Variants in ILF2 observed in about 807,000 individuals in gnomAD.
ILF2 encodes the protein interleukin enhancer-binding factor 2.
ILF2 carries 9 observed loss-of-function variants against 55.3 expected under a neutral mutation model. The ratio of observed to expected loss-of-function variants is 0.16; its 90% CI spans 0.10 to 0.28. The LOEUF (loss-of-function observed/expected upper bound fraction) is 0.28. Among genes scored for constraint, ILF2 ranks in the 10% least tolerant of loss-of-function variants. The pLI is 1.00. For missense variants in ILF2, 266 were observed against 474.9 expected, an observed-to-expected ratio of 0.56 and a Z score of 4.09; for synonymous variants, 151 against 161.8, an observed-to-expected ratio of 0.93 and a Z score of 0.50.
chr1:153,670,748 C>T lies in ILF2; in HGVS notation c.5+170G>A, dbSNP rs1053741160. The stretch of plus-strand genomic sequence containing the variant: ...GAACCCCATCCCGGGCCCAAGTTTC[C>T]CCGCCTCTACCGGCCTCCATCTCTC... On this transcript the variant is annotated intron_variant, in intron 1 of 13. Transcript: ENST00000361891. Among the ~76,000 whole-genome samples, 5 of 152,136 alleles carry T rather than the reference C, an allele frequency of 3.3e-5. 1 individual carries two copies. Among genetic ancestry groups the T allele is most frequent in the Admixed American group, 2.6e-4 (4 of 15,282 alleles).
intron 4 of ILF2, 74 bp from the exon 5 acceptor site, chr1:153,668,151 C>T: frequency 8.7e-7 from 1 of 1,150,768 alleles, no homozygotes; most frequent in Non-Finnish European, 1.3e-6. Context: ...ATATTTTCTC[C>T]TAATCCCTTC....
chr1:153,670,894 T>C (rs777829604), intron 1 of ILF2, 24 bp downstream of exon 1: 9 of 1,614,114 alleles, frequency 5.6e-6, no homozygotes, highest in Non-Finnish European at 7.6e-6. Context: ...ACCTGAAACC[T>C]TTCGACCGCT....
intron 4 of ILF2, 35 bp downstream of exon 4, chr1:153,668,418 A>G (rs750145892): frequency 6.2e-7 from 1 of 1,613,196 alleles, no homozygotes; most frequent in Non-Finnish European, 8.5e-7. Context: ...TAACTGCTTT[A>G]GAGACATTTC....
At chr1:153,669,136 G>A (rs1669383637) in intron 3 of ILF2, among the ~76,000 whole-genome samples, 1 of 151,916 alleles carries the variant, frequency 6.6e-6, no homozygotes, top group South Asian at 2.1e-4. Flanking sequence ...TTGAACCCTG[G>A]AGGCAGAGGT....
In ILF2 at chr1:153,662,248, C is replaced by A. The variant is rs1571333095; in HGVS notation, c.*148G>T. 3 of 979,834 alleles carry A rather than the reference C, an allele frequency of 3.1e-6. No individual in the cohort carries two copies. Among genetic ancestry groups the A allele is most frequent in the Non-Finnish European group, 3.0e-6 (2 of 661,694 alleles). 60.7% of individuals were successfully genotyped at this position (979,834 alleles called of 1,614,324 possible). ...ACTGGCAGCTAAGCCAATATCAAAA[C>A]CCAGTGGAATGACACTTCTATGGAG... is the stretch of plus-strand genomic sequence containing the variant. On this transcript the variant is annotated 3_prime_UTR_variant, in exon 14 of 14. Coordinates refer to ENST00000361891, the MANE Select transcript of ILF2 (RefSeq NM_004515.4).
rs1237078736 is a variant in ILF2 at position 153,668,519 on chromosome 1, A to G, written c.147T>C (p.Asp49=). The part of the protein sequence containing the change: ...MAFPRVKPAP[D]ETSFSEALLK... ...GCAAGGCCTCACTGAAGGAAGTTTC[A>G]TCAGGTGCTGGCTTGACCCGGGGAA... Residue 49 remains aspartate (D), a synonymous_variant, in exon 4 of 14, where the codon GAT becomes GAC. Coordinates refer to ENST00000361891, the MANE Select transcript of ILF2 (RefSeq NM_004515.4). 1.2e-6 allele frequency: 2 copies of G among 1,614,176 alleles called. No homozygotes were observed. Among genetic ancestry groups the G allele is most frequent in the Admixed American group, 3.3e-5 (2 of 60,022 alleles).
intron 7 of ILF2, 100 bp downstream of exon 7, chr1:153,665,561 ACT>A: frequency 9.5e-7 from 1 of 1,053,528 alleles, no homozygotes; most frequent in Non-Finnish European, 1.5e-6. Context: ...CTCTGCATTT[ACT>A]CTTCCATCTG....
At chr1:153,665,030 A>T (rs183943256) in intron 8 of ILF2, among the ~76,000 whole-genome samples, 190 bp downstream of exon 8, 41 of 152,338 alleles carry the variant, frequency 2.7e-4, no homozygotes, top group Non-Finnish European at 5.1e-4. Context: ...CCATCTGAAA[A>T]TTCCACTAGC....
At position 153,670,931 on chromosome 1, in the gene ILF2, A is replaced by G. The variant is rs768198219; in HGVS notation, c.-9T>C. The stretch of plus-strand genomic sequence containing the variant: ...CGACCCACTTACCTCATGGCGCCTT[A>G]AAACACGAACAATGGAGGCCGCACC... On this transcript the variant is annotated 5_prime_UTR_variant, in exon 1 of 14. Transcript: ENST00000361891. 1.2e-6 allele frequency: 2 copies of G among 1,614,108 alleles called. No individual in the cohort carries two copies. The highest frequency in any genetic ancestry group is 1.7e-6 in the Non-Finnish European group (2 of 1,180,028).
At chr1:153,664,326 A>AT (rs1406702772) in intron 9 of ILF2, 70 bp downstream of exon 9, 1 of 1,279,688 alleles carries the variant, frequency 7.8e-7, no homozygotes, top group Non-Finnish European at 1.1e-6. Flanking sequence ...CAGAGGAAGT[A>AT]TGGGGGTATC....
intron 10 of ILF2, among the ~76,000 whole-genome samples, chr1:153,663,714 C>G (rs1461748650): frequency 6.6e-6 from 1 of 151,382 alleles, no homozygotes; most frequent in Non-Finnish European, 1.5e-5. Flanking sequence ...TGGCTGCTCA[C>G]TCATTTCTCT....
intron 6 of ILF2, among the ~76,000 whole-genome samples, chr1:153,666,799 C>A (rs1309915012): frequency 6.6e-6 from 1 of 152,238 alleles, no homozygotes; most frequent in African/African-American, 2.4e-5. Flanking sequence ...CACACACACT[C>A]CAGCGTTTGT....
chr1:153,670,705 CT>C (rs1669421246), intron 1 of ILF2, among the ~76,000 whole-genome samples: 1 of 152,032 alleles, frequency 6.6e-6, no homozygotes, highest in Admixed American at 6.6e-5. Flanking sequence ...TCGAACCCCC[CT>C]CCCCACTCCT....
rs1217423150 is a variant in ILF2 at position 153,668,508 on chromosome 1, A to C, written c.158T>G (p.Phe53Cys). ...RVKPAPDETS[F>C]SEALLKRNQD... The stretch of plus-strand genomic sequence containing the variant: ...ATTCCTCTTCAGCAAGGCCTCACTG[A>C]AGGAAGTTTCATCAGGTGCTGGCTT... The change falls in exon 4 of 14, where the codon TTC (phenylalanine) becomes TGC (cysteine). Residue 53 changes from phenylalanine to cysteine, a missense_variant. Phe to Cys is a radical substitution (Grantham distance 205). Coordinates refer to ENST00000361891, the MANE Select transcript of ILF2 (RefSeq NM_004515.4). The C allele has an allele frequency of 3.1e-6, 5 of 1,614,062 alleles. No individual in the cohort carries two copies. Among genetic ancestry groups the C allele is most frequent in the Non-Finnish European group, 4.2e-6 (5 of 1,180,024 alleles).
chr1:153,662,448 G>A lies in ILF2; in HGVS notation c.1121C>T (p.Thr374Ile), dbSNP rs1456530623. 1.9e-6 allele frequency: 3 copies of A among 1,612,762 alleles called. No homozygotes were observed. The highest frequency in any genetic ancestry group is 2.5e-6 in the Non-Finnish European group (3 of 1,178,788). ...KKEGEEEEEN[T>I]EEPPQGEEEE... is the part of the protein sequence containing the mutation. Reference sequence around the variant, plus strand: ...TTCCTCTCCTTGAGGTGGTTCTTCTGTATTCTCCTCTTCTTCCTCTCCTTC... The same window carrying A: ...TTCCTCTCCTTGAGGTGGTTCTTCTATATTCTCCTCTTCTTCCTCTCCTTC... The change falls in exon 14 of 14, where the codon ACA becomes ATA. Residue 374 changes from threonine to isoleucine, a missense_variant. Coordinates refer to ENST00000361891, the MANE Select transcript of ILF2 (RefSeq NM_004515.4).
chr1:153,665,803 G>T, intron 6 of ILF2, 75 bp from the exon 7 acceptor site: 1 of 1,099,966 alleles, frequency 9.1e-7, no homozygotes, highest in Non-Finnish European at 1.4e-6. Flanking sequence ...AAGCTACTTT[G>T]CACTCTCATT....
chr1:153,670,568 CG>C (rs1245129144), intron 1 of ILF2, among the ~76,000 whole-genome samples: 81 of 152,306 alleles, frequency 5.3e-4, no homozygotes. Context: ...TCAAGGCCTT[CG>C]CACTGAGGAT....
At position 153,662,473 on chromosome 1, in the gene ILF2, C is replaced by G; in HGVS notation, c.1096G>C (p.Glu366Gln). 2.5e-6 allele frequency: 4 copies of G among 1,613,694 alleles called. No homozygotes were observed. Among genetic ancestry groups the G allele is most frequent in the Non-Finnish European group, 3.4e-6 (4 of 1,179,596 alleles). ...KAYEKPPEKK[E>Q]GEEEEENTEE... The stretch of plus-strand genomic sequence containing the variant: ...GTATTCTCCTCTTCTTCCTCTCCTT[C>G]CTTCTTCTCTGGTGGCTTCTCATAA... Residue 366 changes from glutamate (E) to glutamine (Q), a missense_variant, in exon 14 of 14, where the codon GAA becomes CAA. Transcript: ENST00000361891.
chr1:153,665,076 G>C (rs1011712152), intron 8 of ILF2, 144 bp downstream of exon 8: 5 of 597,176 alleles, frequency 8.4e-6, no homozygotes, highest in African/African-American at 5.6e-5. Flanking sequence ...CAGAGGGAGA[G>C]AGCAAAGTTC....
Sources: allele counts gnomAD v4.1 joint callset (sites outside exome capture counted in the v4.1 genomes callset), GRCh38; gene constraint gnomAD v4.1.1; transcripts MANE v1.5; gene names NCBI Gene and HGNC (gene_info 2026-07-23, HGNC 2026-07-21).